The following RBM6 variants were observed in gnomAD, a reference collection of about 807,000 sequenced individuals.
RBM6 encodes the protein RNA binding motif protein 6.
RBM6 carries 23 observed loss-of-function variants against 140.4 expected under a neutral mutation model. That is an observed-to-expected ratio of 0.16 (90% CI 0.12 to 0.23). RBM6 has a LOEUF of 0.23. Among genes scored for constraint, RBM6 ranks in the 10% least tolerant of loss-of-function variants. RBM6 has a pLI of 1.00. For missense variants in RBM6, 1,139 were observed against 1,386.7 expected (o/e 0.82, Z 2.84); for synonymous variants, 439 against 475.6 (o/e 0.92, Z 1.00).
intron 6 of RBM6, among the ~76,000 whole-genome samples, chr3:50,003,389 G>C (rs2086433931): frequency 6.6e-6 from 1 of 150,886 alleles, no homozygotes; most frequent in South Asian, 2.1e-4. Flanking sequence ...TATGGATTCT[G>C]AGTCACCACG....
intron 16 of RBM6, among the ~76,000 whole-genome samples, chr3:50,066,001 TCTC>T (rs1272027965): frequency 1.3e-5 from 2 of 152,222 alleles, no homozygotes; most frequent in African/African-American, 4.8e-5. Flanking sequence ...TTCTCTTCCT[TCTC>T]CTCACATTCT....
intron 6 of RBM6, among the ~76,000 whole-genome samples, chr3:50,015,461 C>T (rs1481432493): frequency 5.4e-5 from 8 of 149,038 alleles, no homozygotes; most frequent in Non-Finnish European, 7.4e-5. Context: ...GATGGAGCCT[C>T]GCTCTGTTGC....
chr3:49,993,090 A>G (rs574832210), intron 5 of RBM6, among the ~76,000 whole-genome samples: 1 of 152,224 alleles, frequency 6.6e-6, no homozygotes, highest in South Asian at 2.1e-4. Context: ...ACTTGTCATG[A>G]CTTCCATTAG....
chr3:49,969,202 T>G (rs2084660142), intron 3 of RBM6, among the ~76,000 whole-genome samples: 4 of 151,268 alleles, frequency 2.6e-5, no homozygotes, highest in Admixed American at 2.6e-4. Flanking sequence ...TTTTTGTATT[T>G]TTAGTGCAGA....
intron 5 of RBM6, among the ~76,000 whole-genome samples, chr3:49,986,219 C>CCTGACCTCAAGTGATCCATTCGT (rs2085547469): frequency 6.8e-6 from 1 of 146,374 alleles, no homozygotes; most frequent in East Asian, 2.4e-4. Context: ...ATCTTAAACT[C>CCTGACCTCAAGTGATCCATTCGT]CTGACCTCAA....
chr3:50,069,478 A>T (rs1464410049), intron 18 of RBM6, among the ~76,000 whole-genome samples: 1 of 147,304 alleles, frequency 6.8e-6, no homozygotes, highest in Non-Finnish European at 1.5e-5. Flanking sequence ...ACTGCGCTCC[A>T]GCCTGGGTCA....
intron 4 of RBM6, 101 bp downstream of exon 4, chr3:49,972,249 C>A: frequency 1.1e-6 from 1 of 871,718 alleles, no homozygotes; most frequent in Non-Finnish European, 1.8e-6. Flanking sequence ...CAAAGAAATG[C>A]ACAGAGAAGT....
chr3:50,035,765 A>AT (rs2088498471), intron 6 of RBM6, among the ~76,000 whole-genome samples: 1 of 151,610 alleles, frequency 6.6e-6, no homozygotes, highest in African/African-American at 2.4e-5. Context: ...TATTTAAAAA[A>AT]ATTTTTTTTT....
At chr3:49,958,612 G>A (rs1041134944) in intron 1 of RBM6, among the ~76,000 whole-genome samples, 10 of 147,626 alleles carry the variant, frequency 6.8e-5, no homozygotes, top group Non-Finnish European at 1.3e-4. Context: ...TTAGCCGGGC[G>A]TGGTGGCGGG....
chr3:50,077,096 G>A lies in RBM6; in HGVS notation c.3335G>A (p.Arg1112Gln), dbSNP rs1263181453. 4 of 1,612,990 alleles carry A rather than the reference G, an allele frequency of 2.5e-6. No homozygotes were observed. The highest frequency in any genetic ancestry group is 1.3e-5 in the African/African-American group (1 of 74,866). The change falls in exon 21 of 21, where the codon CGA becomes CAA. Residue 1112 changes from arginine to glutamine, a missense_variant. By Grantham distance (43) the Arg-to-Gln change is conservative (BLOSUM62 1). Around this residue, in one of 9 missense-constraint regions of RBM6, gnomAD observed 125 missense variants for 142.0 expected, o/e 0.88. Coordinates refer to ENST00000266022, the MANE Select transcript of RBM6 (RefSeq NM_005777.3). ...AACGAGACTTACCGAGATGCTGTTC[G>A]AAGAGTCATGTTTGCTCGATATAAA... Reference protein sequence around the residue: ...QSNETYRDAVRRVMFARYKEL... With the variant: ...QSNETYRDAVQRVMFARYKEL...
At chr3:50,013,728 A>G (rs1183273125) in intron 6 of RBM6, among the ~76,000 whole-genome samples, 1 of 152,190 alleles carries the variant, frequency 6.6e-6, no homozygotes, top group Non-Finnish European at 1.5e-5. Flanking sequence ...AGGAGGGACT[A>G]TGTGCTAGTC....
chr3:50,000,335 GTT>G (rs372944661), intron 6 of RBM6, among the ~76,000 whole-genome samples: 1,524 of 121,262 alleles, frequency 0.013, 35 homozygotes, highest in African/African-American at 0.045. Context: ...AGTTTGATGT[GTT>G]TTTTTTTTCT....
Position 49,955,710 on chromosome 3 carries a change from G to T in RBM6, c.-66-6866G>T, listed in dbSNP as rs146686733. ...ATACAAAAATTAGCTGGGTGTACTG[G>T]CGGGCACCTGTAATCTCAGCTTCTT... On this transcript the variant is annotated intron_variant, in intron 1 of 20. Coordinates refer to ENST00000266022, the MANE Select transcript of RBM6 (RefSeq NM_005777.3). 5.7e-3 allele frequency among the ~76,000 whole-genome samples: 860 copies of T among 152,078 alleles called. 7 individuals are homozygous for T. The highest frequency in any genetic ancestry group is 8.3e-3 in the Non-Finnish European group (566 of 67,988).
chr3:49,996,241 A>G (rs987910990), intron 5 of RBM6, among the ~76,000 whole-genome samples: 6 of 152,226 alleles, frequency 3.9e-5, no homozygotes, highest in African/African-American at 1.4e-4. Context: ...TCTGGTGTCA[A>G]CCAAAGGAAA....
chr3:50,005,728 A>G (rs1347786991), intron 6 of RBM6, among the ~76,000 whole-genome samples: 1 of 152,176 alleles, frequency 6.6e-6, no homozygotes, highest in African/African-American at 2.4e-5. Flanking sequence ...CTATCACCCC[A>G]AAAACACTTC....
chr3:50,039,496 C>T (rs1052541974), intron 6 of RBM6, among the ~76,000 whole-genome samples: 1 of 124,464 alleles, frequency 8.0e-6, no homozygotes, highest in African/African-American at 3.0e-5. Context: ...CCCCCCCCCC[C>T]ACCCTTGGTC....
At chr3:50,051,662 T>A (rs1028088798) in intron 7 of RBM6, among the ~76,000 whole-genome samples, 1 of 152,290 alleles carries the variant, frequency 6.6e-6, no homozygotes, top group East Asian at 1.9e-4. Context: ...AAGAAAAATT[T>A]TAAGTTTATT....
intron 7 of RBM6, among the ~76,000 whole-genome samples, chr3:50,048,957 C>T (rs1263632077): frequency 6.6e-6 from 1 of 151,946 alleles, no homozygotes; most frequent in African/African-American, 2.4e-5. Context: ...CACTTGCCAC[C>T]TCACCTGCCT....
rs2090069117 is a variant in RBM6, at chr3:50,064,971, C to A, written c.2587-60C>A. The A allele has an allele frequency of 3.5e-6, 5 of 1,446,184 alleles. No homozygotes were observed. In the Admixed American group the frequency reaches 8.6e-5, roughly 25 times the overall value. 89.6% of individuals were successfully genotyped at this position (1,446,184 alleles called of 1,614,324 possible). On this transcript the variant is annotated intron_variant, in intron 15 of 20. Transcript: ENST00000266022. ...ATAGGCGTGAGCCACCGCACCCAGC[C>A]CAGCCTTTATCAGTTATTATGAGTG...
Sources: gnomAD v4.1 joint callset for allele counts (sites outside exome capture counted in the v4.1 genomes callset) on GRCh38, gnomAD v4.1.1 for gene constraint, gnomAD v4.1.1 regional missense constraint, MANE v1.5 for transcripts, NCBI Gene and HGNC (gene_info 2026-07-23, HGNC 2026-07-21) for gene names.